The following TBC1D5 variants were observed in gnomAD, a reference collection of about 807,000 sequenced individuals.
TBC1D5 encodes TBC1 domain family, member 5.
TBC1D5 carries 75 observed loss-of-function variants against 100.3 expected under a neutral mutation model. The ratio of observed to expected loss-of-function variants is 0.75; its 90% CI spans 0.62 to 0.91. The LOEUF is 0.91. TBC1D5 is among the 40% of genes least tolerant of loss of function. The pLI is 0.00. For synonymous variants in TBC1D5, 323 were observed against 325.6 expected (o/e 0.99, Z 0.09); for missense variants, 910 against 942.4 (o/e 0.97, Z 0.45).
chr3:17,630,389 A>G (rs2063390847), intron 1 of TBC1D5, among the ~76,000 whole-genome samples: 1 of 152,220 alleles, frequency 6.6e-6, no homozygotes, highest in African/African-American at 2.4e-5. Context: ...TCACATTACC[A>G]TAATTCTCAC....
At chr3:17,472,966 C>CTTGAAA (rs2095396472) in intron 3 of TBC1D5, among the ~76,000 whole-genome samples, 4 of 152,122 alleles carry the variant, frequency 2.6e-5, no homozygotes, top group Admixed American at 2.6e-4. Context: ...CTTAGTTGAA[C>CTTGAAA]CATGCAATCC....
chr3:17,299,144 G>A (rs978469608), intron 14 of TBC1D5, among the ~76,000 whole-genome samples: 1 of 152,136 alleles, frequency 6.6e-6, no homozygotes, highest in South Asian at 2.1e-4. Flanking sequence ...TTGAACACAA[G>A]CACTGTGATA....
At chr3:17,323,786 A>G (rs2085735334) in intron 13 of TBC1D5, among the ~76,000 whole-genome samples, 1 of 152,204 alleles carries the variant, frequency 6.6e-6, no homozygotes. Context: ...TGCAATCTTA[A>G]TTAAAATCCC....
intron 13 of TBC1D5, among the ~76,000 whole-genome samples, chr3:17,312,594 G>A (rs2084163360): frequency 1.3e-5 from 2 of 152,126 alleles, no homozygotes; most frequent in Admixed American, 1.3e-4. Context: ...AACCCCCAAA[G>A]GATATGTACA....
chr3:17,375,847 A>G (rs1212471923), intron 10 of TBC1D5, among the ~76,000 whole-genome samples: 1 of 152,140 alleles, frequency 6.6e-6, no homozygotes, highest in Admixed American at 6.6e-5. Flanking sequence ...GTTATCTGCA[A>G]GTTTTCTGTT....
chr3:17,616,599 T>G (rs139790777), intron 2 of TBC1D5, among the ~76,000 whole-genome samples: 2,255 of 152,312 alleles, frequency 0.015, 25 homozygotes, highest in Middle Eastern at 0.034. Flanking sequence ...ATATTTAGGA[T>G]AGTTAGCTCT....
intron 8 of TBC1D5, among the ~76,000 whole-genome samples, chr3:17,384,846 G>A (rs1256347017): frequency 2.0e-5 from 3 of 152,116 alleles, no homozygotes; most frequent in Admixed American, 2.0e-4. Flanking sequence ...GGTGGAGTAA[G>A]GCTGGAAAGA....
At chr3:17,423,258 A>G (rs1443822492) in intron 4 of TBC1D5, among the ~76,000 whole-genome samples, 1 of 152,120 alleles carries the variant, frequency 6.6e-6, no homozygotes, top group East Asian at 1.9e-4. Flanking sequence ...AGCTCTTTTC[A>G]AATATGAAAT....
chr3:17,479,462 C>T (rs2095476027), intron 3 of TBC1D5, among the ~76,000 whole-genome samples: 1 of 152,090 alleles, frequency 6.6e-6, no homozygotes, highest in Non-Finnish European at 1.5e-5. Flanking sequence ...AGAAATGATT[C>T]AAAACATAAT....
At chr3:17,338,243 T>A (rs1406619260) in intron 13 of TBC1D5, among the ~76,000 whole-genome samples, 2 of 152,180 alleles carry the variant, frequency 1.3e-5, no homozygotes. Flanking sequence ...TGCCAATGAA[T>A]TTAAAACTTT....
intron 10 of TBC1D5, among the ~76,000 whole-genome samples, chr3:17,374,958 C>T (rs190477236): frequency 3.9e-5 from 6 of 152,178 alleles, no homozygotes; most frequent in Admixed American, 3.9e-4. Flanking sequence ...GACTATGATT[C>T]ATCTAGAATA....
chr3:17,170,803 T>C (rs2067103544), intron 19 of TBC1D5, among the ~76,000 whole-genome samples: 1 of 152,110 alleles, frequency 6.6e-6, no homozygotes, highest in Non-Finnish European at 1.5e-5. Context: ...CCCAGAACCC[T>C]GGCATCATCT....
chr3:17,358,323 T>C (rs2091406783), intron 13 of TBC1D5, among the ~76,000 whole-genome samples: 1 of 152,148 alleles, frequency 6.6e-6, no homozygotes, highest in Non-Finnish European at 1.5e-5. Context: ...TAGCTGGTAT[T>C]ACAGGCATGT....
intron 7 of TBC1D5, 77 bp downstream of exon 7, chr3:17,404,617 T>C (rs1575728027): frequency 7.7e-7 from 1 of 1,300,410 alleles, no homozygotes; most frequent in African/African-American, 1.5e-5. Context: ...ATTGCTTTCA[T>C]GGTGACTGGC....
chr3:17,614,266 A>G (rs769738903), intron 2 of TBC1D5, among the ~76,000 whole-genome samples: 10 of 152,174 alleles, frequency 6.6e-5, no homozygotes, highest in Non-Finnish European at 1.5e-4. Flanking sequence ...GGTACCAAGT[A>G]CCATGCTGTT....
At chr3:17,631,350 T>C (rs1041693031) in intron 1 of TBC1D5, among the ~76,000 whole-genome samples, 3 of 152,128 alleles carry the variant, frequency 2.0e-5, no homozygotes, top group Non-Finnish European at 4.4e-5. Flanking sequence ...CAGACATTGA[T>C]TCCTACGGTT....
At chr3:17,421,308 C>T (rs146117551) in intron 4 of TBC1D5, among the ~76,000 whole-genome samples, 280 of 152,232 alleles carry the variant, frequency 1.8e-3, no homozygotes, top group African/African-American at 6.5e-3. Flanking sequence ...AAAGGCTATA[C>T]ATTTTGTGCT....
intron 19 of TBC1D5, among the ~76,000 whole-genome samples, chr3:17,175,409 G>C (rs2040371063): frequency 6.6e-6 from 1 of 152,120 alleles, no homozygotes; most frequent in Admixed American, 6.5e-5. Context: ...TTATCACCCT[G>C]TGCGCCAGAG....
In TBC1D5 at chr3:17,512,669, G is replaced by A. The variant is rs187338856; in HGVS notation, c.-35-4064C>T. Among the ~76,000 whole-genome samples the A allele has an allele frequency of 1.4e-3, 219 of 152,192 alleles. 1 individual carries two copies. Among genetic ancestry groups the A allele is most frequent in the African/African-American group, 4.9e-3 (204 of 41,524 alleles). ...GAAAGCATAGTAATACACCTTCCACGATCTGGGAAAGGCCCTATCCTTCCT... is the reference window on the plus strand; with the variant it reads ...GAAAGCATAGTAATACACCTTCCACAATCTGGGAAAGGCCCTATCCTTCCT... On this transcript the variant is annotated intron_variant, in intron 2 of 21. Transcript: ENST00000253692.
Sources: gnomAD v4.1 joint callset for allele counts (sites outside exome capture counted in the v4.1 genomes callset) on GRCh38, gnomAD v4.1.1 for gene constraint, MANE v1.5 for transcripts, NCBI Gene and HGNC (gene_info 2026-07-23, HGNC 2026-07-21) for gene names.